STAG2: variants seen among roughly 807,000 people sequenced by gnomAD.
STAG2 encodes cohesin subunit SA-2.
Under a neutral mutation model 108.1 loss-of-function variants are expected in STAG2, and 14 were observed. The ratio of observed to expected loss-of-function variants is 0.13; its 90% CI spans 0.09 to 0.20. The LOEUF (loss-of-function observed/expected upper bound fraction) is 0.20, where lower values mean the gene tolerates loss of function less well. Among genes scored for constraint, STAG2 ranks in the 10% least tolerant of loss-of-function variants. STAG2 has a pLI of 1.00. For missense variants in STAG2, 440 were observed against 940.9 expected, an observed-to-expected ratio of 0.47 and a Z score of 6.96; for synonymous variants, 307 against 302.7, an observed-to-expected ratio of 1.01 and a Z score of -0.15.
At chrX:123,974,693 T>C (rs763380552) in intron 1 of STAG2, among the ~76,000 whole-genome samples, 16 of 106,162 alleles carry the variant, frequency 1.5e-4, no homozygotes, top group Non-Finnish European at 2.9e-4. Context: ...ATTCTCCTGC[T>C]TCAGCCTCTT....
At chrX:123,980,285 G>C (rs2054815428) in intron 1 of STAG2, among the ~76,000 whole-genome samples, 1 of 110,883 alleles carries the variant, frequency 9.0e-6, no homozygotes, top group African/African-American at 3.3e-5. Context: ...TTTGGTGGGG[G>C]TACTTAGAAT....
intron 1 of STAG2, among the ~76,000 whole-genome samples, chrX:123,983,974 CTTTTT>C (rs199881082): frequency 8.1e-5 from 5 of 61,459 alleles, no homozygotes; most frequent in South Asian, 1.6e-3. Context: ...CTTTTCTTTT[CTTTTT>C]TTTTTTTTTT....
At chrX:123,974,654 C>T (rs1602644700) in intron 1 of STAG2, among the ~76,000 whole-genome samples, 1 of 105,131 alleles carries the variant, frequency 9.5e-6, no homozygotes, top group Admixed American at 1.0e-4. Context: ...TCTCGGCTCA[C>T]TGCAACCTCT....
chrX:124,077,757 T>C (rs974977929), intron 26 of STAG2, among the ~76,000 whole-genome samples, 200 bp from the exon 27 acceptor site: 3 of 111,870 alleles, frequency 2.7e-5, no homozygotes, highest in African/African-American at 9.7e-5. Context: ...AACTGTTTTG[T>C]ATATATGATT....
intron 3 of STAG2, among the ~76,000 whole-genome samples, chrX:124,023,460 T>C (rs914348718): frequency 4.5e-5 from 5 of 111,974 alleles, no homozygotes; most frequent in African/African-American, 1.3e-4. Context: ...TTCATATTTT[T>C]AATAATTTTG....
Position 124,026,154 on chromosome X carries a change from A to G in STAG2, c.123+236A>G, listed in dbSNP as rs112509359. The stretch of plus-strand genomic sequence containing the variant: ...AATAATAATAATAATAATAATAATA[A>G]TAATAATAATAATAATACATTTCCA... On this transcript the variant is annotated intron_variant, in intron 4 of 34. Transcript: ENST00000371145. 6.8e-3 allele frequency among the ~76,000 whole-genome samples: 717 copies of G among 105,676 alleles called. 5 individuals carry two copies. The highest frequency in any genetic ancestry group is 0.023 in the African/African-American group (676 of 29,443). 91.8% of individuals were successfully genotyped at this position (105,676 alleles called of 115,157 possible). A position where few individuals can be genotyped will look rare whatever the true frequency, so the allele number is the denominator to read the frequency against.
intron 1 of STAG2, among the ~76,000 whole-genome samples, chrX:123,969,557 C>T (rs1318668909): frequency 2.7e-5 from 3 of 111,053 alleles, no homozygotes; most frequent in Non-Finnish European, 5.7e-5. Flanking sequence ...TTTTCTTGTT[C>T]TTACTGTTAT....
At chrX:124,078,153 G>T in intron 27 of STAG2, 95 bp downstream of exon 27, 1 of 571,617 alleles carries the variant, frequency 1.7e-6, no homozygotes, top group South Asian at 2.9e-5. Context: ...GTGTGCAATA[G>T]GCAATTTATA....
chrX:124,036,374 GT>G (rs1442071370), intron 5 of STAG2, among the ~76,000 whole-genome samples: 1 of 111,493 alleles, frequency 9.0e-6, no homozygotes, highest in Non-Finnish European at 1.9e-5. Flanking sequence ...AAGTTTTGTT[GT>G]TGTTGTTTTT....
chrX:124,095,178 C>T (rs1471690341), intron 33 of STAG2, among the ~76,000 whole-genome samples, 194 bp from the exon 34 acceptor site: 1 of 112,130 alleles, frequency 8.9e-6, no homozygotes, highest in Non-Finnish European at 1.9e-5. Flanking sequence ...CCACCCGCCT[C>T]GGCCTCCCAA....
At chrX:124,051,506 A>G (rs1173058747) in intron 13 of STAG2, 112 bp downstream of exon 13, 2 of 454,761 alleles carry the variant, frequency 4.4e-6, no homozygotes, top group Non-Finnish European at 3.5e-6. Flanking sequence ...TACGTCATGG[A>G]GGTTTACAGC....
intron 5 of STAG2, among the ~76,000 whole-genome samples, chrX:124,032,701 C>G (rs1224640060): frequency 1.8e-5 from 2 of 111,539 alleles, no homozygotes; most frequent in African/African-American, 6.5e-5. Context: ...GTTTTCTGTT[C>G]CTGCGTTAAT....
intron 8 of STAG2, 52 bp downstream of exon 8, chrX:124,045,420 A>C: frequency 9.7e-7 from 1 of 1,029,135 alleles, no homozygotes; most frequent in Non-Finnish European, 1.3e-6. Context: ...GAGATGAAAA[A>C]GATTCTCATT....
intron 1 of STAG2, among the ~76,000 whole-genome samples, chrX:123,983,420 C>T (rs987812437): frequency 9.0e-6 from 1 of 111,056 alleles, no homozygotes; most frequent in African/African-American, 3.3e-5. Context: ...ATAGCCAATT[C>T]GTGGATGAGC....
intron 4 of STAG2, among the ~76,000 whole-genome samples, chrX:124,028,822 A>ATATATATATATT (rs1296806013): frequency 8.2e-4 from 32 of 38,958 alleles, no homozygotes; most frequent in African/African-American, 3.6e-3. Flanking sequence ...ATATATATAT[A>ATATATATATATT]TTTTTTTTTT....
At chrX:124,087,527 G>C (rs982697278) in intron 30 of STAG2, among the ~76,000 whole-genome samples, 2 of 111,571 alleles carry the variant, frequency 1.8e-5, no homozygotes, top group African/African-American at 6.5e-5. Context: ...ATCTGATGCT[G>C]GCTGTCATTT....
intron 8 of STAG2, among the ~76,000 whole-genome samples, chrX:124,047,091 T>G (rs1411690746): frequency 8.9e-6 from 1 of 111,775 alleles, no homozygotes; most frequent in Non-Finnish European, 1.9e-5. Flanking sequence ...GAGGCAAATT[T>G]TAAAATTTCC....
chrX:124,084,637 G>GT (rs983196640), intron 29 of STAG2, among the ~76,000 whole-genome samples: 3 of 111,929 alleles, frequency 2.7e-5, no homozygotes, highest in Non-Finnish European at 3.8e-5. Context: ...ATCTTGTTAG[G>GT]TATGTGGGTC....
chrX:124,021,549 A>G (rs748830142), intron 2 of STAG2, 118 bp downstream of exon 2: 11 of 112,268 alleles, frequency 9.8e-5, no homozygotes, highest in Non-Finnish European at 1.5e-4. Context: ...AAACATAGAC[A>G]TAATACCCTT....
Sources: gnomAD v4.1 joint callset for allele counts (sites outside exome capture counted in the v4.1 genomes callset) on GRCh38, gnomAD v4.1.1 for gene constraint, MANE v1.5 for transcripts, NCBI Gene and HGNC (gene_info 2026-07-23, HGNC 2026-07-21) for gene names.